TMEM178B: variants seen among roughly 807,000 people sequenced by gnomAD.
TMEM178B encodes the protein transmembrane protein 178B.
In TMEM178B, 5 loss-of-function variants were observed where a neutral mutation model predicts 31.0. That is an observed-to-expected ratio of 0.16 (90% CI 0.08 to 0.34). The LOEUF is 0.34. TMEM178B is among the 10% of genes least tolerant of loss of function. The pLI, the probability that TMEM178B is intolerant of heterozygous loss-of-function variation, is 1.00. For missense variants in TMEM178B, 275 were observed against 400.3 expected (o/e 0.69, Z 2.67); for synonymous variants, 164 against 164.0 (o/e 1.00, Z 0.00).
chr7:141,377,398 A>C (rs1272134175), intron 2 of TMEM178B, among the ~76,000 whole-genome samples: 1 of 151,250 alleles, frequency 6.6e-6, no homozygotes, highest in East Asian at 2.0e-4. Context: ...TGGCCGGCTG[A>C]TCTTGAACTC....
intron 3 of TMEM178B, among the ~76,000 whole-genome samples, chr7:141,447,783 A>G (rs916028820): frequency 1.3e-5 from 2 of 152,108 alleles, no homozygotes; most frequent in Non-Finnish European, 2.9e-5. Flanking sequence ...CGCACCATCT[A>G]GCCTGTACCA....
chr7:141,166,247 C>G (rs1358787322), intron 1 of TMEM178B, among the ~76,000 whole-genome samples: 4 of 152,146 alleles, frequency 2.6e-5, no homozygotes, highest in African/African-American at 9.7e-5. Context: ...ATTTTGGGCT[C>G]TAGGAGAGTG....
chr7:141,398,445 C>T (rs1010910114), intron 2 of TMEM178B, among the ~76,000 whole-genome samples: 3 of 152,106 alleles, frequency 2.0e-5, no homozygotes, highest in Non-Finnish European at 2.9e-5. Flanking sequence ...GAGGACGGCA[C>T]AGGAGCTGAC....
chr7:141,337,772 T>C (rs1799449720), intron 2 of TMEM178B, among the ~76,000 whole-genome samples: 1 of 152,248 alleles, frequency 6.6e-6, no homozygotes, highest in African/African-American at 2.4e-5. Flanking sequence ...TAAAGCCTTT[T>C]AGTCCACTGC....
chr7:141,182,389 T>C (rs771705863), intron 1 of TMEM178B, among the ~76,000 whole-genome samples: 14 of 152,242 alleles, frequency 9.2e-5, no homozygotes, highest in Non-Finnish European at 2.1e-4. Context: ...AAACTTATTA[T>C]ACTGGCTTGT....
chr7:141,238,688 G>A (rs1244828029), intron 2 of TMEM178B, among the ~76,000 whole-genome samples: 1 of 152,186 alleles, frequency 6.6e-6, no homozygotes, highest in Non-Finnish European at 1.5e-5. Flanking sequence ...GCGGCTGGGG[G>A]CAGCCCCTGT....
intron 3 of TMEM178B, among the ~76,000 whole-genome samples, chr7:141,468,486 G>A (rs973168874): frequency 6.6e-6 from 1 of 152,188 alleles, no homozygotes; most frequent in African/African-American, 2.4e-5. Context: ...GCCTGCCTGA[G>A]TTTGTAACCT....
intron 2 of TMEM178B, among the ~76,000 whole-genome samples, chr7:141,235,138 G>T (rs769009412): frequency 3.3e-5 from 5 of 152,108 alleles, no homozygotes; most frequent in African/African-American, 1.2e-4. Flanking sequence ...GGCTTCCGTC[G>T]ACACATCTTC....
chr7:141,431,364 A>G (rs754699103), intron 2 of TMEM178B: 1 of 152,016 alleles, frequency 6.6e-6, no homozygotes, highest in Non-Finnish European at 1.5e-5. Context: ...TAGGAGTGTA[A>G]ACTTCAAAAT....
At chr7:141,237,199 A>G (rs1379350112) in intron 2 of TMEM178B, among the ~76,000 whole-genome samples, 1 of 152,240 alleles carries the variant, frequency 6.6e-6, no homozygotes, top group Non-Finnish European at 1.5e-5. Context: ...CAGTTTGGCA[A>G]TATTTATCAC....
At chr7:141,329,579 G>A (rs1374431016) in intron 2 of TMEM178B, among the ~76,000 whole-genome samples, 1 of 152,154 alleles carries the variant, frequency 6.6e-6, no homozygotes, top group Admixed American at 6.5e-5. Flanking sequence ...TGTTCTTGGT[G>A]TTTTTGTTCA....
chr7:141,317,009 C>T (rs1799017471), intron 2 of TMEM178B, among the ~76,000 whole-genome samples: 1 of 152,182 alleles, frequency 6.6e-6, no homozygotes. Context: ...GCTGGATATC[C>T]TTGTTCAACT....
chr7:141,276,444 A>AT (rs1798268040), intron 2 of TMEM178B, among the ~76,000 whole-genome samples: 1 of 152,144 alleles, frequency 6.6e-6, no homozygotes, highest in Admixed American at 6.5e-5. Context: ...GCCTCAGGAA[A>AT]CTTACAGTTA....
chr7:141,463,002 G>T (rs1802084955), intron 3 of TMEM178B, among the ~76,000 whole-genome samples: 1 of 152,148 alleles, frequency 6.6e-6, no homozygotes, highest in African/African-American at 2.4e-5. Flanking sequence ...CCACTCACAG[G>T]TGTTTACAGA....
intron 2 of TMEM178B, among the ~76,000 whole-genome samples, chr7:141,321,568 C>T (rs1213676984): frequency 6.6e-6 from 1 of 152,176 alleles, no homozygotes; most frequent in Non-Finnish European, 1.5e-5. Context: ...CCTTGCCTGC[C>T]ACAATTCCTT....
intron 1 of TMEM178B, among the ~76,000 whole-genome samples, chr7:141,170,979 A>G (rs1796338866): frequency 6.7e-6 from 1 of 150,236 alleles, no homozygotes. Flanking sequence ...CAGCCTTTGA[A>G]TGGTTATTAC....
intron 2 of TMEM178B, among the ~76,000 whole-genome samples, chr7:141,272,635 T>C (rs1348202721): frequency 6.6e-6 from 1 of 152,186 alleles, no homozygotes; most frequent in Non-Finnish European, 1.5e-5. Flanking sequence ...ACAACCTCTT[T>C]CCTGCCCACA....
rs1799036402 is a variant in TMEM178B, at chr7:141,318,033, G to C, written c.496+105329G>C. Among the ~76,000 whole-genome samples the C allele has an allele frequency of 6.6e-6, 1 of 152,094 alleles. No homozygotes were observed. The highest frequency in any genetic ancestry group is 6.6e-5 in the Admixed American group (1 of 15,256). On this transcript the variant is annotated intron_variant, in intron 2 of 3. Coordinates refer to ENST00000565468, the MANE Select transcript of TMEM178B (RefSeq NM_001195278.2). The surrounding 1 kb of genome is among the most constrained non-coding windows in gnomAD (Gnocchi z 4.1). ...AAAAGAAGATGGGTGTTTGGGGAGGGAATTATAGATTTATTTTAAATGAAA... is the reference window on the plus strand; with the variant it reads ...AAAAGAAGATGGGTGTTTGGGGAGGCAATTATAGATTTATTTTAAATGAAA...
chr7:141,150,558 A>G (rs1039111857), intron 1 of TMEM178B, among the ~76,000 whole-genome samples: 2 of 152,246 alleles, frequency 1.3e-5, no homozygotes, highest in Non-Finnish European at 2.9e-5. Context: ...TTTCAAGCCC[A>G]GGCTCCAGAG....
Sources: allele counts gnomAD v4.1 joint callset (sites outside exome capture counted in the v4.1 genomes callset), GRCh38; gene constraint gnomAD v4.1.1; non-coding constraint Gnocchi (gnomAD v3.1); transcripts MANE v1.5; gene names NCBI Gene and HGNC (gene_info 2026-07-23, HGNC 2026-07-21).